Variants in S100A8 observed in about 807,000 individuals in gnomAD.
The protein encoded by S100A8 is protein S100-A8.
A neutral mutation model predicts 4.2 loss-of-function variants in S100A8; 1 was observed. The observed-to-expected ratio is 0.24, with a 90% CI of 0.08 to 1.12. S100A8 has a LOEUF of 1.12. S100A8 is among the 50% of genes most tolerant of loss of function. S100A8 has a pLI of 0.53. For missense variants in S100A8, 96 were observed against 111.8 expected (o/e 0.86, Z 0.64); for synonymous variants, 41 against 44.7 (o/e 0.92, Z 0.33).
the S100A8 span, among the ~76,000 whole-genome samples, chr1:153,415,185 C>CGTGT: frequency 2.5e-4 from 37 of 148,158 alleles, no homozygotes; most frequent in African/African-American, 8.6e-4. Context: ...TGTGTGTGTG[C>CGTGT]GTGTGTGTGT....
At chr1:153,396,363 T>C in the S100A8 span, among the ~76,000 whole-genome samples, 1 of 152,286 alleles carries the variant, frequency 6.6e-6, no homozygotes, top group Non-Finnish European at 1.5e-5. Context: ...TTCTGGATTG[T>C]AGGTGAAGCC....
chr1:153,393,040 C>T (rs1366147031), upstream of S100A8, among the ~76,000 whole-genome samples: 1 of 152,144 alleles, frequency 6.6e-6, no homozygotes, highest in Non-Finnish European at 1.5e-5. Flanking sequence ...TATTATAATG[C>T]CCATTGTACA....
chr1:153,393,828 T>A (rs1363469302), upstream of S100A8, among the ~76,000 whole-genome samples: 1 of 152,206 alleles, frequency 6.6e-6, no homozygotes, highest in Non-Finnish European at 1.5e-5. Flanking sequence ...AGTATAATTA[T>A]CCCTATTTGA....
chr1:153,406,538 A>C, the S100A8 span, among the ~76,000 whole-genome samples: 1 of 152,204 alleles, frequency 6.6e-6, no homozygotes, highest in Non-Finnish European at 1.5e-5. Flanking sequence ...TGACACCTGC[A>C]CACCCAGAAC....
chr1:153,417,860 G>A, the S100A8 span: 1 of 554,464 alleles, frequency 1.8e-6, no homozygotes, highest in Non-Finnish European at 3.1e-6. Context: ...ATCTCTTCTT[G>A]GCCCTGGCCA....
At chr1:153,390,785 G>GACTTTCCTTACCAC in intron 1 of S100A8, 1 of 579,678 alleles carries the variant, frequency 1.7e-6, no homozygotes, top group Non-Finnish European at 2.9e-6. Context: ...CACACACGGG[G>GACTTTCCTTACCAC]CCCGTAGACT....
the S100A8 span, among the ~76,000 whole-genome samples, chr1:153,402,314 G>T: frequency 2.6e-5 from 4 of 152,210 alleles, no homozygotes; most frequent in Admixed American, 6.5e-5. Flanking sequence ...AGCTAGTAAT[G>T]CAGAGGCACA....
chr1:153,415,217 A>G, the S100A8 span, among the ~76,000 whole-genome samples: 1 of 151,830 alleles, frequency 6.6e-6, no homozygotes, highest in Admixed American at 6.6e-5. Flanking sequence ...TTTTGCCGCT[A>G]AAAGTAATAT....
At chr1:153,398,420 C>A in the S100A8 span, among the ~76,000 whole-genome samples, 2 of 151,090 alleles carry the variant, frequency 1.3e-5, no homozygotes, top group African/African-American at 4.8e-5. Flanking sequence ...TCCCTGCTAT[C>A]CTTCCCCCGG....
intron 1 of S100A8, 44 bp downstream of exon 1, chr1:153,390,997 A>G: frequency 1.0e-6 from 1 of 990,072 alleles, no homozygotes. Context: ...ACCCTCCCCA[A>G]GAGAAGCCCA....
chr1:153,419,285 G>A, the S100A8 span: 169 of 1,614,124 alleles, frequency 1.0e-4, 2 homozygotes, highest in Middle Eastern at 1.3e-3. Context: ...ATGGAGCGGC[G>A]CCCTGTTCTG....
At chr1:153,422,156 A>G in the S100A8 span, 4 of 152,224 alleles carry the variant, frequency 2.6e-5, no homozygotes, top group African/African-American at 9.6e-5. Flanking sequence ...TTCCAAACTC[A>G]CCAAGGTGGC....
the S100A8 span, among the ~76,000 whole-genome samples, chr1:153,413,603 A>G: frequency 2.6e-5 from 4 of 152,234 alleles, no homozygotes; most frequent in Admixed American, 2.6e-4. Flanking sequence ...TCTTGTGTAT[A>G]TAAGGATAAG....
chr1:153,399,036 C>T, the S100A8 span, among the ~76,000 whole-genome samples: 35 of 152,180 alleles, frequency 2.3e-4, no homozygotes, highest in Non-Finnish European at 3.7e-4. Flanking sequence ...CTGCACAGAT[C>T]CAACACAAAC....
At chr1:153,417,660 C>T in the S100A8 span, among the ~76,000 whole-genome samples, 7 of 152,182 alleles carry the variant, frequency 4.6e-5, no homozygotes, top group Non-Finnish European at 1.0e-4. Context: ...GTCCTGCCCC[C>T]GTGACTCTCA....
At chr1:153,404,851 C>T in the S100A8 span, among the ~76,000 whole-genome samples, 1 of 151,968 alleles carries the variant, frequency 6.6e-6, no homozygotes, top group African/African-American at 2.4e-5. Flanking sequence ...TACAGAAGGG[C>T]GGGAACCACG....
chr1:153,400,497 C>T, the S100A8 span, among the ~76,000 whole-genome samples: 8 of 152,114 alleles, frequency 5.3e-5, no homozygotes, highest in Non-Finnish European at 1.0e-4. Flanking sequence ...CAGAATGGGG[C>T]GCCAAAGGGC....
the S100A8 span, among the ~76,000 whole-genome samples, chr1:153,404,801 A>C: frequency 6.6e-6 from 1 of 151,576 alleles, no homozygotes; most frequent in African/African-American, 2.4e-5. Flanking sequence ...CTCTTTTTTT[A>C]ACAGGTGCAA....
the S100A8 span, chr1:153,420,339 C>A: frequency 6.6e-6 from 1 of 152,328 alleles, no homozygotes; most frequent in Non-Finnish European, 1.5e-5. Context: ...TCAGTGTTCA[C>A]CTGGTGTCAC....
Sources: allele counts gnomAD v4.1 joint callset (sites outside exome capture counted in the v4.1 genomes callset), GRCh38; gene constraint gnomAD v4.1.1; transcripts MANE v1.5; gene names NCBI Gene and HGNC (gene_info 2026-07-23, HGNC 2026-07-21).